Variants in DPP10 observed in about 807,000 individuals in gnomAD.
DPP10 encodes the protein dipeptidyl peptidase like 10, also known as inactive dipeptidyl peptidase 10.
A neutral mutation model predicts 120.9 loss-of-function variants in DPP10; 33 were observed. The ratio of observed to expected loss-of-function variants is 0.27; its 90% confidence interval spans 0.21 to 0.37. The LOEUF (loss-of-function observed/expected upper bound fraction) is 0.37, where lower values mean the gene tolerates loss of function less well. Ranked by LOEUF, DPP10 falls within the 10% of genes least tolerant of loss-of-function variation. The probability of loss-of-function intolerance (pLI) is 1.00; values close to 1 mark genes in which losing one functional copy is unlikely to be tolerated. For missense variants in DPP10, 816 were observed against 942.8 expected (o/e 0.87, Z 1.76); for synonymous variants, 337 against 326.1 (o/e 1.03, Z -0.36).
chr2:115,381,333 A>G lies in DPP10; in HGVS notation c.271+37421A>G, dbSNP rs538911734. 2.0e-5 allele frequency among the ~76,000 whole-genome samples: 3 copies of G among 152,114 alleles called. No individual in the cohort carries two copies. The South Asian group carries it at 6.2e-4, about 32-fold the overall frequency. ...TTCCATCACTAATACCCTTTCTTCC[A>G]GTTGATCGCGTCGGCTCCTGAGGCT... is the stretch of plus-strand genomic sequence containing the variant. On this transcript the variant is annotated intron_variant, in intron 3 of 25. Coordinates refer to ENST00000410059, the MANE Select transcript of DPP10 (RefSeq NM_020868.6).
intron 1 of DPP10, among the ~76,000 whole-genome samples, chr2:114,531,140 C>T (rs1348572945): frequency 6.6e-6 from 1 of 152,098 alleles, no homozygotes; most frequent in Admixed American, 6.6e-5. Context: ...ATGTATTAAG[C>T]CATTCCATTT....
intron 1 of DPP10, among the ~76,000 whole-genome samples, chr2:115,269,034 C>A (rs959010109): frequency 6.6e-6 from 1 of 152,146 alleles, no homozygotes; most frequent in South Asian, 2.1e-4. Flanking sequence ...GTAGTCCCAC[C>A]TACTCAGGAG....
At chr2:114,636,076 G>C (rs1018818867) in intron 1 of DPP10, among the ~76,000 whole-genome samples, 1 of 151,914 alleles carries the variant, frequency 6.6e-6, no homozygotes, top group Non-Finnish European at 1.5e-5. Context: ...TTTTAAGAAA[G>C]TGTCTGCTGA....
intron 5 of DPP10, among the ~76,000 whole-genome samples, chr2:115,607,021 T>C (rs2083745350): frequency 6.6e-6 from 1 of 152,112 alleles, no homozygotes; most frequent in Non-Finnish European, 1.5e-5. Flanking sequence ...AACTCCAAAC[T>C]ATCAAAAGGT....
chr2:115,463,509 A>C (rs1470202012), intron 3 of DPP10, among the ~76,000 whole-genome samples: 1 of 152,210 alleles, frequency 6.6e-6, no homozygotes, highest in Non-Finnish European at 1.5e-5. Context: ...TTTTAAATAT[A>C]TAGAGTGTTA....
chr2:115,383,467 T>A (rs551534001), intron 3 of DPP10, among the ~76,000 whole-genome samples: 1 of 152,322 alleles, frequency 6.6e-6, no homozygotes, highest in East Asian at 1.9e-4. Context: ...GGTATGCCTT[T>A]ATCAGCAGCA....
intron 1 of DPP10, among the ~76,000 whole-genome samples, chr2:114,766,407 A>C (rs1420116728): frequency 4.6e-5 from 7 of 152,190 alleles, no homozygotes; most frequent in African/African-American, 1.7e-4. Context: ...TAAATATGCA[A>C]TTACTATTTG....
chr2:115,394,467 A>G (rs533429577), intron 3 of DPP10, among the ~76,000 whole-genome samples: 39 of 142,394 alleles, frequency 2.7e-4, no homozygotes, highest in Non-Finnish European at 5.6e-4. Context: ...AATCAACCTC[A>G]CCAAAAAAAA....
At chr2:114,597,332 C>A (rs995719831) in intron 1 of DPP10, among the ~76,000 whole-genome samples, 1 of 151,908 alleles carries the variant, frequency 6.6e-6, no homozygotes, top group Non-Finnish European at 1.5e-5. Context: ...TTCAGTCTTA[C>A]AAGTTTGGAT....
intron 1 of DPP10, among the ~76,000 whole-genome samples, chr2:114,844,309 C>T (rs1688380666): frequency 1.3e-5 from 2 of 151,960 alleles, no homozygotes; most frequent in Non-Finnish European, 2.9e-5. Flanking sequence ...ATGCTAAATG[C>T]CATGCTCAAG....
chr2:115,512,538 T>C (rs1228363406), intron 4 of DPP10, among the ~76,000 whole-genome samples: 1 of 152,088 alleles, frequency 6.6e-6, no homozygotes, highest in Admixed American at 6.6e-5. Flanking sequence ...CAGCTAATAA[T>C]TTCCCTGTAA....
At chr2:115,643,125 T>C (rs1371344672) in intron 5 of DPP10, among the ~76,000 whole-genome samples, 2 of 150,962 alleles carry the variant, frequency 1.3e-5, no homozygotes, top group Non-Finnish European at 3.0e-5. Flanking sequence ...GTCTTGACTC[T>C]AGAAATAAAA....
At chr2:114,754,289 G>T (rs184870838) in intron 1 of DPP10, among the ~76,000 whole-genome samples, 1 of 152,274 alleles carries the variant, frequency 6.6e-6, no homozygotes, top group African/African-American at 2.4e-5. Context: ...CACTTGTTCT[G>T]TTCACAATCA....
intron 7 of DPP10, among the ~76,000 whole-genome samples, chr2:115,690,739 C>G (rs1048642113): frequency 6.6e-6 from 1 of 152,132 alleles, no homozygotes; most frequent in African/African-American, 2.4e-5. Flanking sequence ...TTGTACATAT[C>G]TCATGGTGAC....
chr2:115,556,436 T>G (rs544478576), intron 5 of DPP10, among the ~76,000 whole-genome samples: 1 of 151,138 alleles, frequency 6.6e-6, no homozygotes, highest in Non-Finnish European at 1.5e-5. Flanking sequence ...AAGGCAATTC[T>G]TCTTCCAATG....
At position 114,805,001 on chromosome 2, in the gene DPP10, G is replaced by C. The variant is rs576462698; in HGVS notation, c.60+362163G>C. ...TGTTGTGGGAGGGACCCAGGGGCAGGTAATTGAATCATGGGGGCTGATCTT... is the reference window on the plus strand; with the variant it reads ...TGTTGTGGGAGGGACCCAGGGGCAGCTAATTGAATCATGGGGGCTGATCTT... On this transcript the variant is annotated intron_variant, in intron 1 of 25. Transcript: ENST00000410059. 2.6e-4 allele frequency among the ~76,000 whole-genome samples: 39 copies of C among 152,228 alleles called. 2 individuals carry two copies. Among genetic ancestry groups the C allele is most frequent in the African/African-American group, 9.4e-4 (39 of 41,536 alleles).
chr2:114,913,287 C>A (rs1336094787), intron 1 of DPP10, among the ~76,000 whole-genome samples: 1 of 152,150 alleles, frequency 6.6e-6, no homozygotes, highest in Admixed American at 6.5e-5. Context: ...TGGATACATG[C>A]ACATGGGTCC....
chr2:115,195,907 T>C (rs890136232), intron 1 of DPP10, among the ~76,000 whole-genome samples: 5 of 152,228 alleles, frequency 3.3e-5, no homozygotes, highest in African/African-American at 1.2e-4. Context: ...TCTTTTGTTT[T>C]ATTACTTCCA....
chr2:114,721,164 T>G (rs1410014133), intron 1 of DPP10, among the ~76,000 whole-genome samples: 1 of 152,204 alleles, frequency 6.6e-6, no homozygotes, highest in African/African-American at 2.4e-5. Context: ...AATGAAGAAA[T>G]TGGACTTCAT....
Sources: gnomAD v4.1 joint callset for allele counts (sites outside exome capture counted in the v4.1 genomes callset) on GRCh38, gnomAD v4.1.1 for gene constraint, MANE v1.5 for transcripts, NCBI Gene and HGNC (gene_info 2026-07-23, HGNC 2026-07-21) for gene names.